Variants in ROBO1 observed in about 807,000 individuals in gnomAD.
ROBO1 encodes the protein roundabout homolog 1.
Under a neutral mutation model 195.9 loss-of-function variants are expected in ROBO1, and 149 were observed. The ratio of observed to expected loss-of-function variants is 0.76; its 90% CI spans 0.67 to 0.87. ROBO1 has a LOEUF of 0.87. Among genes scored for constraint, ROBO1 ranks in the 40% least tolerant of loss-of-function variants. The pLI is 0.00. For synonymous variants in ROBO1, 816 were observed against 733.2 expected (o/e 1.11, Z -1.82); for missense variants, 1,933 against 2,068.3 (o/e 0.93, Z 1.27).
chr3:79,394,055 G>T (rs543049576), intron 2 of ROBO1, among the ~76,000 whole-genome samples: 6 of 152,194 alleles, frequency 3.9e-5, no homozygotes, highest in South Asian at 4.1e-4. Context: ...CACAAAAAGA[G>T]GATTGGGAAT....
chr3:79,476,218 A>G (rs1575879895), intron 2 of ROBO1, among the ~76,000 whole-genome samples: 1 of 152,162 alleles, frequency 6.6e-6, no homozygotes, highest in African/African-American at 2.4e-5. Context: ...TTCTGCAAGA[A>G]CAGCCATAAT....
At chr3:79,228,958 TTAAAG>T (rs1213834574) in intron 2 of ROBO1, among the ~76,000 whole-genome samples, 2 of 152,156 alleles carry the variant, frequency 1.3e-5, no homozygotes, top group African/African-American at 4.8e-5. Flanking sequence ...TCTTCATTTC[TTAAAG>T]TATTTTAACA....
chr3:79,215,420 A>G (rs2082039835), intron 2 of ROBO1, among the ~76,000 whole-genome samples: 1 of 152,036 alleles, frequency 6.6e-6, no homozygotes, highest in Non-Finnish European at 1.5e-5. Context: ...AATCGGAGGA[A>G]GGAGTTTGTG....
At chr3:79,276,681 G>T (rs954582366) in intron 2 of ROBO1, among the ~76,000 whole-genome samples, 1 of 151,890 alleles carries the variant, frequency 6.6e-6, no homozygotes, top group African/African-American at 2.4e-5. Flanking sequence ...AAAATGAAGA[G>T]ATAGCCCACA....
Position 79,361,869 on chromosome 3 carries a change from T to C in ROBO1, c.88+227955A>G, listed in dbSNP as rs142120745. Among the ~76,000 whole-genome samples the C allele has an allele frequency of 8.1e-4, 123 of 152,206 alleles. 1 individual carries two copies. Among genetic ancestry groups the C allele is most frequent in the African/African-American group, 2.8e-3 (118 of 41,560 alleles). ...CCACAAAGATGCATAATTAGAAAAT[T>C]TTAATATTTAAAAAGTATATTTCTT... On this transcript the variant is annotated intron_variant, in intron 2 of 30. Coordinates refer to ENST00000464233, the MANE Select transcript of ROBO1 (RefSeq NM_002941.4).
At chr3:79,345,107 T>C (rs916470624) in intron 2 of ROBO1, among the ~76,000 whole-genome samples, 2 of 152,168 alleles carry the variant, frequency 1.3e-5, no homozygotes, top group Non-Finnish European at 2.9e-5. Flanking sequence ...GGATAATCTA[T>C]ATGTGATTAA....
At chr3:79,286,792 A>G (rs1280443929) in intron 2 of ROBO1, among the ~76,000 whole-genome samples, 1 of 152,228 alleles carries the variant, frequency 6.6e-6, no homozygotes, top group African/African-American at 2.4e-5. Context: ...TCATACTTCA[A>G]CAGAAAATAG....
intron 2 of ROBO1, among the ~76,000 whole-genome samples, chr3:79,197,632 T>C (rs1399479563): frequency 2.0e-5 from 3 of 152,160 alleles, no homozygotes; most frequent in Admixed American, 2.0e-4. Context: ...CCACAATGGT[T>C]GACCTAGTTT....
chr3:79,670,002 A>G (rs970594848), intron 1 of ROBO1, among the ~76,000 whole-genome samples: 1 of 151,914 alleles, frequency 6.6e-6, no homozygotes, highest in Non-Finnish European at 1.5e-5. Flanking sequence ...AAATTTGAGT[A>G]CACAGCTTTA....
chr3:78,600,882 T>C (rs1703133696), intron 29 of ROBO1, among the ~76,000 whole-genome samples: 1 of 152,168 alleles, frequency 6.6e-6, no homozygotes, highest in South Asian at 2.1e-4. Flanking sequence ...CAAGCCTGGT[T>C]TCACTCCACA....
chr3:79,621,806 T>C (rs1945016339), intron 1 of ROBO1, among the ~76,000 whole-genome samples: 1 of 152,046 alleles, frequency 6.6e-6, no homozygotes, highest in African/African-American at 2.4e-5. Flanking sequence ...TATCAAAAAA[T>C]CATATGTAAA....
At chr3:79,124,055 A>G (rs2080169624) in intron 3 of ROBO1, among the ~76,000 whole-genome samples, 1 of 152,088 alleles carries the variant, frequency 6.6e-6, no homozygotes, top group Non-Finnish European at 1.5e-5. Context: ...AAGCACTGGC[A>G]AATTAGGATA....
chr3:78,695,730 C>G (rs1175054881), intron 8 of ROBO1, among the ~76,000 whole-genome samples: 3 of 149,482 alleles, frequency 2.0e-5, no homozygotes, highest in African/African-American at 7.4e-5. Flanking sequence ...GCTTCTAAAA[C>G]ATGAGAGGTT....
At chr3:78,754,658 G>A (rs181868416) in intron 4 of ROBO1, among the ~76,000 whole-genome samples, 1,793 of 152,270 alleles carry the variant, frequency 0.012, 38 homozygotes, top group African/African-American at 0.038. Context: ...ATGGTGGCTT[G>A]CATTGGCGGG....
chr3:78,753,099 GATA>G (rs1230806954), intron 4 of ROBO1, among the ~76,000 whole-genome samples: 3 of 152,004 alleles, frequency 2.0e-5, no homozygotes, highest in Non-Finnish European at 4.4e-5. Context: ...AACATTATAT[GATA>G]ACAACGTAAC....
chr3:79,677,822 A>C (rs7617489), intron 1 of ROBO1, among the ~76,000 whole-genome samples: 42,429 of 151,968 alleles, frequency 0.28, 6,760 homozygotes, highest in African/African-American at 0.45. Flanking sequence ...TGGAGGTGCT[A>C]AATGAGAACA....
chr3:79,470,932 T>G (rs533581507), intron 2 of ROBO1, among the ~76,000 whole-genome samples: 1 of 152,166 alleles, frequency 6.6e-6, no homozygotes, highest in Non-Finnish European at 1.5e-5. Flanking sequence ...CTGAGGATAG[T>G]TTTCTTCAAG....
chr3:78,738,676 C>T (rs1035178931), intron 5 of ROBO1, among the ~76,000 whole-genome samples: 12 of 152,088 alleles, frequency 7.9e-5, no homozygotes, highest in Non-Finnish European at 1.8e-4. Flanking sequence ...TCATTTCTAA[C>T]ACCAGGACCA....
intron 10 of ROBO1, among the ~76,000 whole-genome samples, chr3:78,674,776 T>G (rs921330247): frequency 6.6e-6 from 1 of 152,214 alleles, no homozygotes; most frequent in Non-Finnish European, 1.5e-5. Flanking sequence ...AAATTATAAT[T>G]ATAAAAATTG....
Sources: gnomAD v4.1 joint callset for allele counts (sites outside exome capture counted in the v4.1 genomes callset) on GRCh38, gnomAD v4.1.1 for gene constraint, MANE v1.5 for transcripts, NCBI Gene and HGNC (gene_info 2026-07-23, HGNC 2026-07-21) for gene names.